The following CLIC5 variants were observed in gnomAD, a reference collection of about 807,000 sequenced individuals.
The protein encoded by CLIC5 is chloride intracellular channel protein 5.
In CLIC5, 20 loss-of-function variants were observed where a neutral mutation model predicts 24.7. The ratio of observed to expected loss-of-function variants is 0.81; its 90% CI spans 0.57 to 1.18. CLIC5 has a LOEUF of 1.18. CLIC5 is among the 50% of genes most tolerant of loss of function. The pLI is 0.00. For synonymous variants in CLIC5, 159 were observed against 135.6 expected (o/e 1.17, Z -1.20); for missense variants, 341 against 326.1 (o/e 1.05, Z -0.35).
upstream of CLIC5, among the ~76,000 whole-genome samples, chr6:46,083,813 C>T (rs1191188720): frequency 6.6e-6 from 1 of 151,766 alleles, no homozygotes; most frequent in Non-Finnish European, 1.5e-5. Flanking sequence ...GAGCTGAGTT[C>T]AATTCCTGGG....
intron 1 of CLIC5, among the ~76,000 whole-genome samples, chr6:46,066,151 T>A (rs1314325378): frequency 6.6e-6 from 1 of 152,078 alleles, no homozygotes. Flanking sequence ...AGCAACTCTA[T>A]CTTTTGTACT....
the CLIC5 span, among the ~76,000 whole-genome samples, chr6:46,117,600 GA>G: frequency 6.6e-6 from 1 of 152,200 alleles, no homozygotes; most frequent in South Asian, 2.1e-4. Flanking sequence ...CTATTAGGAA[GA>G]ATGTTTATTA....
At chr6:45,969,537 C>T (rs1032241485) in intron 1 of CLIC5, among the ~76,000 whole-genome samples, 7 of 140,568 alleles carry the variant, frequency 5.0e-5, no homozygotes, top group South Asian at 2.3e-4. Context: ...GCCACATAGA[C>T]GATCGGTAGG....
chr6:46,101,283 C>T, the CLIC5 span, among the ~76,000 whole-genome samples: 2 of 152,238 alleles, frequency 1.3e-5, no homozygotes, highest in Non-Finnish European at 2.9e-5. Context: ...ATCACTTCAT[C>T]ATGTCCTTGG....
At chr6:45,935,447 A>G (rs1161603073) in intron 4 of CLIC5, among the ~76,000 whole-genome samples, 1 of 152,186 alleles carries the variant, frequency 6.6e-6, no homozygotes, top group Non-Finnish European at 1.5e-5. Context: ...CTTGCTAATT[A>G]CAGGGATGCT....
chr6:46,119,471 A>G, the CLIC5 span, among the ~76,000 whole-genome samples: 7 of 152,246 alleles, frequency 4.6e-5, no homozygotes, highest in African/African-American at 1.7e-4. Context: ...ACATGACCAA[A>G]TAGGAACAGC....
the CLIC5 span, among the ~76,000 whole-genome samples, chr6:46,114,021 T>C: frequency 1.3e-5 from 2 of 152,154 alleles, no homozygotes; most frequent in Admixed American, 6.5e-5. Context: ...AGTTCAAAGA[T>C]AGCAGAGAGC....
intron 1 of CLIC5, among the ~76,000 whole-genome samples, chr6:46,029,193 C>G (rs1767429910): frequency 6.6e-6 from 1 of 152,148 alleles, no homozygotes; most frequent in East Asian, 1.9e-4. Context: ...ACAGAGCAGA[C>G]ACTTAACAAG....
intron 4 of CLIC5, among the ~76,000 whole-genome samples, chr6:45,919,384 G>T (rs1156613379): frequency 6.6e-6 from 1 of 152,118 alleles, no homozygotes; most frequent in African/African-American, 2.4e-5. Flanking sequence ...TGGGGATGCT[G>T]GGTGGGGGTT....
chr6:46,051,329 G>A (rs1046910597), intron 1 of CLIC5, among the ~76,000 whole-genome samples: 1 of 152,122 alleles, frequency 6.6e-6, no homozygotes, highest in Non-Finnish European at 1.5e-5. Flanking sequence ...GTGTGATGGG[G>A]GGCAAATTAC....
chr6:46,054,206 A>T (rs1285016773), intron 1 of CLIC5, among the ~76,000 whole-genome samples: 3 of 152,134 alleles, frequency 2.0e-5, no homozygotes, highest in African/African-American at 7.2e-5. Flanking sequence ...TCTAGTTGGG[A>T]TATTCTGGCA....
intron 1 of CLIC5, among the ~76,000 whole-genome samples, chr6:45,998,226 A>G (rs1259662929): frequency 6.6e-6 from 1 of 152,202 alleles, no homozygotes; most frequent in Non-Finnish European, 1.5e-5. Context: ...ACCTGCTGTG[A>G]GTTCCCACTA....
At chr6:46,119,725 A>G in the CLIC5 span, among the ~76,000 whole-genome samples, 1 of 152,054 alleles carries the variant, frequency 6.6e-6, no homozygotes, top group Non-Finnish European at 1.5e-5. Context: ...AAATCGGGTC[A>G]CTCCCACCCT....
intron 1 of CLIC5, among the ~76,000 whole-genome samples, chr6:46,026,600 C>T (rs1018638089): frequency 2.6e-5 from 4 of 152,064 alleles, no homozygotes; most frequent in African/African-American, 9.7e-5. Context: ...CTTCAATTTC[C>T]TTCTTCCAAG....
At chr6:46,035,858 C>T (rs1183193431) in intron 1 of CLIC5, among the ~76,000 whole-genome samples, 1 of 152,068 alleles carries the variant, frequency 6.6e-6, no homozygotes, top group Non-Finnish European at 1.5e-5. Flanking sequence ...GATTCTCCTG[C>T]CTCAGCCTCC....
chr6:45,954,782 G>A (rs746290062), intron 2 of CLIC5, among the ~76,000 whole-genome samples: 3 of 152,238 alleles, frequency 2.0e-5, no homozygotes, highest in African/African-American at 7.2e-5. Flanking sequence ...CTGAAGTCCT[G>A]CTAGGGTCCC....
intron 2 of CLIC5, among the ~76,000 whole-genome samples, chr6:45,953,371 G>C (rs3777590): frequency 0.87 from 131,947 of 152,146 alleles, 57,679 homozygotes; most frequent in Non-Finnish European, 0.9. Context: ...GGGAGGTTGG[G>C]TTGACAGGTG....
chr6:46,037,268 T>G (rs1191449318), intron 1 of CLIC5, among the ~76,000 whole-genome samples: 2 of 152,198 alleles, frequency 1.3e-5, no homozygotes, highest in Non-Finnish European at 2.9e-5. Flanking sequence ...TACAATCTTT[T>G]GGTCACAATT....
At chr6:45,977,222 C>T (rs1412902654) in intron 1 of CLIC5, among the ~76,000 whole-genome samples, 1 of 151,978 alleles carries the variant, frequency 6.6e-6, no homozygotes, top group Non-Finnish European at 1.5e-5. Context: ...ATTTTGCATG[C>T]TTTTTCCTAT....
Sources: allele counts gnomAD v4.1 joint callset (sites outside exome capture counted in the v4.1 genomes callset), GRCh38; gene constraint gnomAD v4.1.1; transcripts MANE v1.5; gene names NCBI Gene and HGNC (gene_info 2026-07-23, HGNC 2026-07-21).